Variants in AOAH observed in about 807,000 individuals in gnomAD.
AOAH encodes acyloxyacyl hydrolase (neutrophil).
In AOAH, 64 loss-of-function variants were observed where a neutral mutation model predicts 92.2. The observed-to-expected ratio is 0.69, with a 90% CI of 0.57 to 0.86. The LOEUF (loss-of-function observed/expected upper bound fraction) is 0.86. AOAH is among the 40% of genes least tolerant of loss of function. The pLI, the probability that AOAH is intolerant of heterozygous loss-of-function variation, is 0.00. For missense variants in AOAH, 656 were observed against 694.6 expected (o/e 0.94, Z 0.62); for synonymous variants, 263 against 254.5 (o/e 1.03, Z -0.32).
intron 1 of AOAH, among the ~76,000 whole-genome samples, chr7:36,699,004 C>A (rs1242960922): frequency 7.6e-6 from 1 of 132,148 alleles, no homozygotes; most frequent in Non-Finnish European, 1.6e-5. Context: ...ACTACTCTAT[C>A]TTTATGAGAT....
chr7:36,514,256 G>A (rs1056284718), intron 20 of AOAH, among the ~76,000 whole-genome samples: 2 of 151,812 alleles, frequency 1.3e-5, no homozygotes, highest in Non-Finnish European at 2.9e-5. Context: ...AATGGTAGAG[G>A]ACACGGCGTG....
chr7:36,599,279 T>A (rs73338182), intron 11 of AOAH, among the ~76,000 whole-genome samples: 2,166 of 152,344 alleles, frequency 0.014, 51 homozygotes, highest in African/African-American at 0.049. Context: ...AGCCCTAATG[T>A]CAGCAAGCAA....
chr7:36,520,172 C>A (rs1784037470), intron 20 of AOAH, among the ~76,000 whole-genome samples: 1 of 152,142 alleles, frequency 6.6e-6, no homozygotes, highest in African/African-American at 2.4e-5. Flanking sequence ...AAGATAGAGG[C>A]CCAATTTGAC....
At chr7:36,664,888 GA>G (rs1193838548) in intron 3 of AOAH, among the ~76,000 whole-genome samples, 2 of 152,310 alleles carry the variant, frequency 1.3e-5, no homozygotes, top group East Asian at 3.9e-4. Context: ...GAAGAATGAA[GA>G]GAGCAGGAGT....
chr7:36,711,606 A>C (rs1798772804), intron 1 of AOAH, among the ~76,000 whole-genome samples: 1 of 152,222 alleles, frequency 6.6e-6, no homozygotes, highest in South Asian at 2.1e-4. Flanking sequence ...AAATGCAATG[A>C]TAATTTAAAA....
chr7:36,598,694 G>A (rs567027881), intron 11 of AOAH, among the ~76,000 whole-genome samples: 1 of 152,228 alleles, frequency 6.6e-6, no homozygotes, highest in East Asian at 1.9e-4. Flanking sequence ...AGAAGCCTTG[G>A]CATATTTTTT....
chr7:36,574,954 A>T (rs1263461116), intron 13 of AOAH, among the ~76,000 whole-genome samples: 2 of 152,154 alleles, frequency 1.3e-5, no homozygotes, highest in South Asian at 2.1e-4. Flanking sequence ...TCCAAATAAA[A>T]ATATATTTGA....
intron 4 of AOAH, among the ~76,000 whole-genome samples, chr7:36,648,629 CTT>C (rs751147956): frequency 1.2e-4 from 16 of 131,174 alleles, no homozygotes; most frequent in African/African-American, 1.9e-4. Flanking sequence ...TTTATGGTTC[CTT>C]TTTTTTTTTT....
chr7:36,538,008 C>CTT (rs200856759), intron 16 of AOAH, among the ~76,000 whole-genome samples: 1 of 127,908 alleles, frequency 7.8e-6, no homozygotes, highest in Non-Finnish European at 1.7e-5. Context: ...TTCGTACATT[C>CTT]TTTTTTTTTT....
intron 16 of AOAH, among the ~76,000 whole-genome samples, chr7:36,532,991 T>C (rs1257254154): frequency 6.6e-6 from 1 of 152,174 alleles, no homozygotes; most frequent in Non-Finnish European, 1.5e-5. Context: ...GTGGATATCT[T>C]ATTTGACCCT....
chr7:36,699,459 GC>G, intron 1 of AOAH, among the ~76,000 whole-genome samples: 1 of 151,872 alleles, frequency 6.6e-6, no homozygotes, highest in East Asian at 1.9e-4. Flanking sequence ...TTGCTAGCAT[GC>G]ATTCCTCCCT....
At position 36,694,272 on chromosome 7, in the gene AOAH, G is replaced by A. The variant is rs145075695; in HGVS notation, c.128-7478C>T. ...AGTGCTTTGGGAGGCTGAGGCGGGC[G>A]GATCACCTGAGGTCAGGAGTCTGAG... On this transcript the variant is annotated intron_variant, in intron 1 of 20. Coordinates refer to ENST00000617537, the MANE Select transcript of AOAH (RefSeq NM_001637.4). Among the ~76,000 whole-genome samples, 160 of 152,214 alleles carry A rather than the reference G, an allele frequency of 1.1e-3. 2 individuals carry two copies. The highest frequency in any genetic ancestry group is 1.7e-3 in the African/African-American group (71 of 41,548).
chr7:36,665,796 A>G (rs1795497102), intron 3 of AOAH, among the ~76,000 whole-genome samples: 1 of 152,084 alleles, frequency 6.6e-6, no homozygotes, highest in African/African-American at 2.4e-5. Context: ...TTCTGTGTCT[A>G]TTAATATAAT....
chr7:36,702,730 G>T (rs886253795), intron 1 of AOAH, among the ~76,000 whole-genome samples: 5 of 152,144 alleles, frequency 3.3e-5, no homozygotes, highest in Admixed American at 6.6e-5. Context: ...CAGATGGAGG[G>T]TCTTGCCTCG....
chr7:36,623,917 TGAGGCAGGAAAATAGGGTCTG>T (rs1792457233), intron 6 of AOAH, among the ~76,000 whole-genome samples: 1 of 152,178 alleles, frequency 6.6e-6, no homozygotes, highest in African/African-American at 2.4e-5. Flanking sequence ...CATATGGCAA[TGAGGCAGGAAAATAGGGTCTG>T]GAGGCAGGAA....
intron 13 of AOAH, among the ~76,000 whole-genome samples, chr7:36,554,039 T>C (rs1786496416): frequency 6.6e-6 from 1 of 152,250 alleles, no homozygotes; most frequent in East Asian, 1.9e-4. Flanking sequence ...TTTGGTGTTT[T>C]AGACATGAAG....
At chr7:36,578,080 AT>A (rs1437566872) in intron 12 of AOAH, among the ~76,000 whole-genome samples, 1 of 152,226 alleles carries the variant, frequency 6.6e-6, no homozygotes, top group East Asian at 1.9e-4. Context: ...CCTGAGCAAT[AT>A]TTTAAGTGTG....
At chr7:36,721,426 A>G (rs1392116100) in intron 1 of AOAH, among the ~76,000 whole-genome samples, 1 of 152,056 alleles carries the variant, frequency 6.6e-6, no homozygotes, top group Admixed American at 6.6e-5. Context: ...CCCTGCACAC[A>G]CATTTCTAAT....
At chr7:36,660,651 A>G (rs1458509028) in intron 3 of AOAH, among the ~76,000 whole-genome samples, 1 of 152,200 alleles carries the variant, frequency 6.6e-6, no homozygotes, top group Non-Finnish European at 1.5e-5. Flanking sequence ...AGAAAGTACA[A>G]TGTAACTGAC....
Sources: gnomAD v4.1 joint callset for allele counts (sites outside exome capture counted in the v4.1 genomes callset) on GRCh38, gnomAD v4.1.1 for gene constraint, MANE v1.5 for transcripts, NCBI Gene and HGNC (gene_info 2026-07-23, HGNC 2026-07-21) for gene names.